The following LYRM1 variants were observed in gnomAD, a reference collection of about 807,000 sequenced individuals.
LYRM1 encodes LYR motif-containing protein 1.
In LYRM1, 14 loss-of-function variants were observed where a neutral mutation model predicts 14.9. That is an observed-to-expected ratio of 0.94 (90% CI 0.62 to 1.47). LYRM1 has a LOEUF of 1.47. Among genes scored for constraint, LYRM1 ranks in the 40% most tolerant of loss-of-function variants. The pLI, the probability that LYRM1 is intolerant of heterozygous loss-of-function variation, is 0.00. For missense variants in LYRM1, 153 were observed against 149.9 expected (o/e 1.02, Z -0.11); for synonymous variants, 43 against 56.2 (o/e 0.77, Z 1.05).
intron 1 of LYRM1, among the ~76,000 whole-genome samples, chr16:20,910,782 A>G (rs1439343635): frequency 6.6e-6 from 1 of 152,252 alleles, no homozygotes; most frequent in African/African-American, 2.4e-5. Flanking sequence ...TCTAAAAAAA[A>G]AAACAACAAC....
rs528180539 is a variant in LYRM1, at chr16:20,914,277, C to G, written c.1-1279C>G. Among the ~76,000 whole-genome samples, 12 of 109,290 alleles carry G rather than the reference C, an allele frequency of 1.1e-4. No individual in the cohort carries two copies. The South Asian group carries it at 3.7e-3, about 34-fold the overall frequency. 71.7% of individuals were successfully genotyped at this position (109,290 alleles called of 152,430 possible). A position where few individuals can be genotyped will look rare whatever the true frequency, so the allele number is the denominator to read the frequency against. ...TTTTGTTTGGCCTGTACAGTCGTCACTTTTTTTTTTTTTTTTTTTTTTCTT... is the reference window on the plus strand; with the variant it reads ...TTTTGTTTGGCCTGTACAGTCGTCAGTTTTTTTTTTTTTTTTTTTTTTCTT... On this transcript the variant is annotated intron_variant, in intron 1 of 3. Coordinates refer to ENST00000567954, the MANE Select transcript of LYRM1 (RefSeq NM_001128302.3).
chr16:20,906,394 T>G (rs546346249), intron 1 of LYRM1, among the ~76,000 whole-genome samples: 1 of 152,240 alleles, frequency 6.6e-6, no homozygotes, highest in South Asian at 2.1e-4. Flanking sequence ...GAGTTTATGA[T>G]TCCCCCTCCT....
At chr16:20,923,922 T>A (rs2083334608) in intron 3 of LYRM1, 78 bp from the exon 4 acceptor site, 2 of 782,156 alleles carry the variant, frequency 2.6e-6, no homozygotes, top group African/African-American at 3.4e-5. Context: ...ATATGGTACT[T>A]TCTGAGTAGA....
chr16:20,902,309 T>A (rs2082105382), intron 1 of LYRM1, among the ~76,000 whole-genome samples: 1 of 152,220 alleles, frequency 6.6e-6, no homozygotes, highest in Admixed American at 6.5e-5. Flanking sequence ...ATATTAAGTT[T>A]GATAAGTCTA....
At chr16:20,920,724 T>C (rs975540922) in intron 3 of LYRM1, 5 of 155,320 alleles carry the variant, frequency 3.2e-5, no homozygotes, top group African/African-American at 9.6e-5. Context: ...CCCATTGCTA[T>C]ACAAAATTTA....
intron 1 of LYRM1, among the ~76,000 whole-genome samples, chr16:20,906,242 C>T (rs1567444384): frequency 6.6e-6 from 1 of 152,068 alleles, no homozygotes; most frequent in South Asian, 2.1e-4. Context: ...GAAAAGGGCA[C>T]CCGTCCAGAA....
intron 1 of LYRM1, among the ~76,000 whole-genome samples, chr16:20,913,857 G>C (rs1050723138): frequency 1.7e-4 from 25 of 151,424 alleles, no homozygotes; most frequent in African/African-American, 5.6e-4. Context: ...CACCCAGGCT[G>C]GAGTGCAGTG....
upstream of LYRM1, chr16:20,900,731 C>A (rs2081992818): frequency 6.6e-6 from 1 of 152,428 alleles, no homozygotes; most frequent in African/African-American, 2.4e-5. Flanking sequence ...GGAACTGGTG[C>A]TCCCACAGAG....
chr16:20,912,132 T>G (rs1385352771), intron 1 of LYRM1, among the ~76,000 whole-genome samples: 1 of 152,074 alleles, frequency 6.6e-6, no homozygotes, highest in African/African-American at 2.4e-5. Context: ...ATGAATGTTT[T>G]GTTAAAAACA....
At chr16:20,921,838 A>G (rs2083206540) in intron 3 of LYRM1, 1 of 152,138 alleles carries the variant, frequency 6.6e-6, no homozygotes, top group Non-Finnish European at 1.5e-5. Context: ...TAGTGGCTCA[A>G]CCTAATTAGT....
intron 2 of LYRM1, among the ~76,000 whole-genome samples, chr16:20,919,219 G>A (rs2083061727): frequency 6.6e-6 from 1 of 152,176 alleles, no homozygotes; most frequent in Non-Finnish European, 1.5e-5. Context: ...TTACTAATGA[G>A]CCAAGGCAGT....
intron 2 of LYRM1, among the ~76,000 whole-genome samples, chr16:20,916,839 C>G (rs1012921974): frequency 2.6e-5 from 4 of 152,130 alleles, no homozygotes; most frequent in Non-Finnish European, 4.4e-5. Context: ...GACTAGATGT[C>G]GAAGACAAAC....
chr16:20,914,455 A>ATT lies in LYRM1; in HGVS notation c.1-1083_1-1082dup, dbSNP rs35172104. Among the ~76,000 whole-genome samples, 828 of 132,178 alleles carry ATT rather than the reference A, an allele frequency of 6.3e-3. 7 individuals carry two copies. The highest frequency in any genetic ancestry group is 0.02 in the African/African-American group (707 of 35,198). 86.7% of individuals were successfully genotyped at this position (132,178 alleles called of 152,430 possible). On this transcript the variant is annotated intron_variant, in intron 1 of 3. Transcript: ENST00000567954. ...AGGCACATGCCGCCACACCTGGCTA[A>ATT]TTTTTTTTTTTTTTTTTTTGTATTT...
chr16:20,910,830 T>G (rs956564084), intron 1 of LYRM1, among the ~76,000 whole-genome samples: 1 of 152,170 alleles, frequency 6.6e-6, no homozygotes, highest in Non-Finnish European at 1.5e-5. Context: ...ATGCCTGACC[T>G]TGGTCACTTT....
intron 3 of LYRM1, chr16:20,920,594 A>C: frequency 8.7e-6 from 2 of 229,662 alleles, no homozygotes; most frequent in Non-Finnish European, 8.7e-6. Flanking sequence ...AATGGTCAAA[A>C]ATTCTCATCC....
At chr16:20,907,726 C>T (rs933870777) in intron 1 of LYRM1, among the ~76,000 whole-genome samples, 1 of 152,122 alleles carries the variant, frequency 6.6e-6, no homozygotes, top group African/African-American at 2.4e-5. Flanking sequence ...CCTCTACTTG[C>T]ACCAGCTTCC....
Position 20,920,196 on chromosome 16 carries a change from G to C in LYRM1, c.234G>C (p.Lys78Asn). The change falls in exon 3 of 4, where the codon AAG becomes AAC. Residue 78 changes from lysine to asparagine, a missense_variant. By Grantham distance (94) the Lys-to-Asn change is moderately conservative (BLOSUM62 0). Coordinates refer to ENST00000567954, the MANE Select transcript of LYRM1 (RefSeq NM_001128302.3). Reference protein sequence around the residue: ...TARIEIGLHYKIPYPRPIHLP... With the variant: ...TARIEIGLHYNIPYPRPIHLP... ...GGATTGAAATTGGACTGCATTACAAGATTCCTTACCCAAGGCCAGTAAGTG... is the reference window on the plus strand; with the variant it reads ...GGATTGAAATTGGACTGCATTACAACATTCCTTACCCAAGGCCAGTAAGTG... 1 of 1,613,696 alleles carries C rather than the reference G, an allele frequency of 6.2e-7. No individual in the cohort carries two copies. Among genetic ancestry groups the C allele is most frequent in the Non-Finnish European group, 8.5e-7 (1 of 1,179,600 alleles).
At position 20,915,484 on chromosome 16, in the gene LYRM1, A is replaced by G. The variant is rs2082837753; in HGVS notation, c.1-72A>G. The G allele has an allele frequency of 5.2e-6, 7 of 1,345,628 alleles. No individual in the cohort carries two copies. In the South Asian group the frequency reaches 8.0e-5, roughly 15 times the overall value. 83.4% of individuals were successfully genotyped at this position (1,345,628 alleles called of 1,614,324 possible). ...CAAAAAAAAAAAAAAAAAACTGTAC[A>G]TCTGCCTGGTGCCTCCTGTCAAGTT... On this transcript the variant is annotated intron_variant, in intron 1 of 3. Coordinates refer to ENST00000567954, the MANE Select transcript of LYRM1 (RefSeq NM_001128302.3).
chr16:20,913,796 A>G (rs925637379), intron 1 of LYRM1, among the ~76,000 whole-genome samples: 12 of 152,008 alleles, frequency 7.9e-5, no homozygotes, highest in Non-Finnish European at 5.9e-5. Flanking sequence ...ATCTTCAGTC[A>G]TCAGAAAGAT....
Sources: gnomAD v4.1 joint callset for allele counts (sites outside exome capture counted in the v4.1 genomes callset) on GRCh38, gnomAD v4.1.1 for gene constraint, MANE v1.5 for transcripts, NCBI Gene and HGNC (gene_info 2026-07-23, HGNC 2026-07-21) for gene names.